PIEZO2: variants seen among roughly 807,000 people sequenced by gnomAD.
PIEZO2 encodes the protein piezo-type mechanosensitive ion channel component 2.
In PIEZO2, 172 loss-of-function variants were observed where a neutral mutation model predicts 337.3. The ratio of observed to expected loss-of-function variants is 0.51; its 90% CI spans 0.45 to 0.58. The LOEUF (loss-of-function observed/expected upper bound fraction) is 0.58. Ranked by LOEUF, PIEZO2 falls within the 20% of genes least tolerant of loss-of-function variation. The probability of loss-of-function intolerance (pLI) is 0.00; values close to 1 mark genes in which losing one functional copy is unlikely to be tolerated. For synonymous variants in PIEZO2, 1,251 were observed against 1,228.5 expected (o/e 1.02, Z -0.38); for missense variants, 3,028 against 3,391.3 (o/e 0.89, Z 2.66).
intron 7 of PIEZO2, among the ~76,000 whole-genome samples, chr18:10,844,640 A>T (rs1683382): frequency 0.75 from 112,596 of 151,082 alleles, 42,199 homozygotes; most frequent in East Asian, 0.94. Context: ...ATACAAAAAA[A>T]TAGCTAGGCG....
At chr18:11,040,109 G>GA (rs11325126) in intron 2 of PIEZO2, among the ~76,000 whole-genome samples, 19,003 of 146,978 alleles carry the variant, frequency 0.13, 1,257 homozygotes, top group Middle Eastern at 0.21. Context: ...AATACCATCT[G>GA]AAAAAAAAAA....
intron 48 of PIEZO2, among the ~76,000 whole-genome samples, chr18:10,690,129 G>A (rs1167296026): frequency 6.6e-6 from 1 of 152,214 alleles, no homozygotes; most frequent in Non-Finnish European, 1.5e-5. Context: ...TGGCCATGCG[G>A]TGCTGAATGA....
rs1472599494 is a variant in PIEZO2 at position 10,953,885 on chromosome 18, T to C, written c.286+25650A>G. 6.6e-6 allele frequency among the ~76,000 whole-genome samples: 1 copy of C among 152,074 alleles called. No homozygotes were observed. The highest frequency in any genetic ancestry group is 2.4e-5 in the African/African-American group (1 of 41,342). Reference sequence around the variant, plus strand: ...AACAGCACAGGGTGCCCCTGGTTACTATGTGAGGACGATACTGCCTTGTTT... The same window carrying C: ...AACAGCACAGGGTGCCCCTGGTTACCATGTGAGGACGATACTGCCTTGTTT... On this transcript the variant is annotated intron_variant, in intron 3 of 55. Coordinates refer to ENST00000674853, the MANE Select transcript of PIEZO2 (RefSeq NM_001378183.1). This position sits in a 1 kb window ranked among gnomAD's most constrained non-coding sequence, Gnocchi z 5.2.
chr18:10,905,299 T>C (rs1170318271), intron 4 of PIEZO2, among the ~76,000 whole-genome samples: 2 of 152,034 alleles, frequency 1.3e-5, no homozygotes, highest in Admixed American at 6.6e-5. Context: ...ACTTACAAGG[T>C]TGGCCAGGCG....
chr18:11,112,585 AT>A lies in PIEZO2; in HGVS notation c.64+35939del, dbSNP rs994021789. ...GAGCAGCTATCGAAACCACATAAAC[AT>A]TGCATACTAGTCAGAGGCTCACCAG... On this transcript the variant is annotated intron_variant, in intron 1 of 55. Transcript: ENST00000674853. The surrounding 1 kb of genome is among the most constrained non-coding windows in gnomAD (Gnocchi z 4.3). Among the ~76,000 whole-genome samples the A allele has an allele frequency of 1.3e-5, 2 of 152,354 alleles. No individual in the cohort carries two copies. The highest frequency in any genetic ancestry group is 2.4e-5 in the African/African-American group (1 of 41,578).
chr18:10,807,196 C>A lies in PIEZO2; in HGVS notation c.996G>T (p.Trp332Cys). The A allele has an allele frequency of 6.5e-7, 1 of 1,537,194 alleles. No individual in the cohort carries two copies. The highest frequency in any genetic ancestry group is 8.7e-7 in the Non-Finnish European group (1 of 1,146,878). The change falls in exon 8 of 56, where the codon TGG becomes TGT. Residue 332 changes from tryptophan (W) to cysteine (C), a missense_variant. Around this residue, in one of 5 missense-constraint regions of PIEZO2, gnomAD observed 542 missense variants for 605.6 expected, o/e 0.89. Coordinates refer to ENST00000674853, the MANE Select transcript of PIEZO2 (RefSeq NM_001378183.1). ...WKIIVNPDLS[W>C]YHHANPILLL... ...GGAGGATAGGGTTGGCGTGGTGGTA[C>A]CACGACAGGTCCGGGTTCACTATGA... is the stretch of plus-strand genomic sequence containing the variant.
chr18:10,922,651 G>A lies in PIEZO2; in HGVS notation c.287-11423C>T, dbSNP rs867123395. Among the ~76,000 whole-genome samples the A allele has an allele frequency of 3.8e-4, 58 of 152,186 alleles. 2 individuals carry two copies. The highest frequency in any genetic ancestry group is 1.8e-4 in the Non-Finnish European group (12 of 67,984). ...TCTGAGAGCAGAGGAAACAGAAGAC[G>A]ACTGTCCTGGGGTCAGATGTGCAGC... On this transcript the variant is annotated intron_variant, in intron 3 of 55. Transcript: ENST00000674853.
At chr18:10,970,884 G>A (rs1200394171) in intron 3 of PIEZO2, among the ~76,000 whole-genome samples, 1 of 152,146 alleles carries the variant, frequency 6.6e-6, no homozygotes, top group Non-Finnish European at 1.5e-5. Flanking sequence ...ATCAAAGATG[G>A]GAGCATATCT....
chr18:10,924,245 C>A (rs192031555), intron 3 of PIEZO2, among the ~76,000 whole-genome samples: 1 of 152,084 alleles, frequency 6.6e-6, no homozygotes, highest in Admixed American at 6.6e-5. Context: ...TTTGGCGCAC[C>A]GTTATGTTTT....
At chr18:10,796,839 G>A (rs146505394) in intron 12 of PIEZO2, among the ~76,000 whole-genome samples, 43 of 152,034 alleles carry the variant, frequency 2.8e-4, no homozygotes, top group African/African-American at 7.0e-4. Flanking sequence ...CATACATACC[G>A]TCATATCATA....
At chr18:10,730,627 G>A (rs58927134) in intron 36 of PIEZO2, among the ~76,000 whole-genome samples, 2,621 of 152,106 alleles carry the variant, frequency 0.017, 78 homozygotes, top group African/African-American at 0.06. Context: ...TTGGTATAAC[G>A]CTGAATATAT....
chr18:11,117,681 AT>A (rs1417683778), intron 1 of PIEZO2, among the ~76,000 whole-genome samples: 1 of 152,228 alleles, frequency 6.6e-6, no homozygotes, highest in Non-Finnish European at 1.5e-5. Flanking sequence ...ATGTTTGTAT[AT>A]GGGATCAAAA....
At chr18:10,898,407 C>T (rs1048215532) in intron 4 of PIEZO2, among the ~76,000 whole-genome samples, 4 of 150,852 alleles carry the variant, frequency 2.7e-5, no homozygotes, top group Non-Finnish European at 4.4e-5. Context: ...GGCGACAGAG[C>T]GAGACTCCGT....
intron 4 of PIEZO2, among the ~76,000 whole-genome samples, chr18:10,873,227 T>C (rs1450511687): frequency 6.6e-6 from 1 of 152,218 alleles, no homozygotes; most frequent in Non-Finnish European, 1.5e-5. Context: ...CCTACCATTT[T>C]CTGAGCAGTT....
chr18:10,914,763 T>C lies in PIEZO2; in HGVS notation c.287-3535A>G, dbSNP rs570703588. Among the ~76,000 whole-genome samples, 470 of 152,192 alleles carry C rather than the reference T, an allele frequency of 3.1e-3. 3 individuals carry two copies. The highest frequency in any genetic ancestry group is 9.5e-3 in the African/African-American group (394 of 41,512). On this transcript the variant is annotated intron_variant, in intron 3 of 55. Coordinates refer to ENST00000674853, the MANE Select transcript of PIEZO2 (RefSeq NM_001378183.1). ...CTTCACTTTCAGAAACTGTCCTTTG[T>C]AGATCCAGTATCCGGTCAACAGAAT...
In PIEZO2 at chr18:10,894,696, GC is replaced by G. The variant is rs1367681851; in HGVS notation, c.329+16489del. ...CAACGCATAAAACCCCAAGTCAAAA[GC>G]TCAAACCACACATCTGTCCTCCAAG... On this transcript the variant is annotated intron_variant, in intron 4 of 55. Transcript: ENST00000674853. The surrounding 1 kb of genome is among the most constrained non-coding windows in gnomAD (Gnocchi z 4.1). The G allele has an allele frequency of 6.6e-6, 1 of 152,214 alleles. No individual in the cohort carries two copies. 9.4% of individuals were successfully genotyped at this position (152,214 alleles called of 1,614,324 possible).
chr18:10,685,272 A>C (rs2034499543), intron 49 of PIEZO2, among the ~76,000 whole-genome samples: 1 of 152,138 alleles, frequency 6.6e-6, no homozygotes, highest in African/African-American at 2.4e-5. Flanking sequence ...AACTTTTCAG[A>C]CTAGTACTAA....
chr18:10,869,920 G>A (rs941119112), intron 5 of PIEZO2, among the ~76,000 whole-genome samples: 4 of 152,132 alleles, frequency 2.6e-5, no homozygotes, highest in Non-Finnish European at 5.9e-5. Flanking sequence ...CTGTCACCCA[G>A]ACTGGAGGGC....
intron 3 of PIEZO2, among the ~76,000 whole-genome samples, chr18:10,977,646 G>T (rs1213294472): frequency 6.6e-6 from 1 of 152,064 alleles, no homozygotes; most frequent in East Asian, 1.9e-4. Context: ...TTTAAACACT[G>T]TGTTTCATCA....
Sources: gnomAD v4.1 joint callset for allele counts (sites outside exome capture counted in the v4.1 genomes callset) on GRCh38, gnomAD v4.1.1 for gene constraint, gnomAD v4.1.1 regional missense constraint, Gnocchi (gnomAD v3.1) non-coding constraint, MANE v1.5 for transcripts, NCBI Gene and HGNC (gene_info 2026-07-23, HGNC 2026-07-21) for gene names.